Variants in TTC3 observed in about 807,000 individuals in gnomAD.
The protein encoded by TTC3 is E3 ubiquitin-protein ligase TTC3.
Under a neutral mutation model 249.6 loss-of-function variants are expected in TTC3, and 180 were observed. The ratio of observed to expected loss-of-function variants is 0.72; its 90% CI spans 0.64 to 0.82. The LOEUF is 0.82. Ranked by LOEUF, TTC3 falls within the 40% of genes least tolerant of loss-of-function variation. The pLI is 0.00. For synonymous variants in TTC3, 717 were observed against 805.0 expected (o/e 0.89, Z 1.85); for missense variants, 2,061 against 2,398.4 (o/e 0.86, Z 2.94).
chr21:37,166,443 C>T lies in TTC3; in HGVS notation c.4229C>T (p.Ser1410Phe), dbSNP rs1457529681. ...TCTGAAACACAGATCCTTGAGGGCT[C>T]TTTGGGAATATCTGTAAAGTCACAC... The change falls in exon 33 of 46, where the codon TCT (serine) becomes TTT (phenylalanine). Residue 1410 changes from serine to phenylalanine, a missense_variant. Physicochemically the swap from Ser to Phe is radical, Grantham distance 155. This residue lies in a region of TTC3 where 1,040 missense variants were observed against 1,186.1 expected (regional missense o/e 0.88). Coordinates refer to ENST00000355666, the Ensembl canonical transcript of TTC3. 2.5e-6 allele frequency: 4 copies of T among 1,614,086 alleles called. No homozygotes were observed. In the Admixed American group the frequency reaches 6.7e-5, roughly 27 times the overall value.
intron 12 of TTC3, 49 bp downstream of exon 12, chr21:37,122,028 C>T (rs2076625395): frequency 6.6e-7 from 1 of 1,520,104 alleles, no homozygotes; most frequent in African/African-American, 1.4e-5. Context: ...CCCTTTCAAA[C>T]TTTGGAGGGT....
At chr21:37,149,127 C>G (rs1279106762) in intron 23 of TTC3, among the ~76,000 whole-genome samples, 1 of 152,138 alleles carries the variant, frequency 6.6e-6, no homozygotes, top group Non-Finnish European at 1.5e-5. Flanking sequence ...TGCCATTTCT[C>G]TCCAGGGATT....
In TTC3 at chr21:37,148,672, A is replaced by G. The variant is rs771150298; in HGVS notation, c.2118+25A>G. The G allele has an allele frequency of 8.8e-6, 13 of 1,473,606 alleles. No individual in the cohort carries two copies. The African/African-American group carries it at 1.7e-4, about 20-fold the overall frequency. 91.3% of individuals were successfully genotyped at this position (1,473,606 alleles called of 1,614,324 possible). A position where few individuals can be genotyped will look rare whatever the true frequency, so the allele number is the denominator to read the frequency against. On this transcript the variant is annotated intron_variant, in intron 23 of 45. Transcript: ENST00000355666. Reference sequence around the variant, plus strand: ...GGTAAAGCATAACAGGATTGTCTGAATTTTTCAGTATACTTATTGTATGTC... The same window carrying G: ...GGTAAAGCATAACAGGATTGTCTGAGTTTTTCAGTATACTTATTGTATGTC...
chr21:37,184,122 T>C (rs1278134013), intron 36 of TTC3, among the ~76,000 whole-genome samples: 2 of 152,214 alleles, frequency 1.3e-5, no homozygotes, highest in Non-Finnish European at 2.9e-5. Flanking sequence ...TCAAAGTAGC[T>C]TCACTAGTAG....
rs756626684 is a variant in TTC3 at position 37,150,771 on chromosome 21, T to C, written c.2212-49T>C. ...TTGTTACTTGTGGTTTTGTGTTTTA[T>C]GTCATGGGAGTATGAGACAAATTTT... On this transcript the variant is annotated intron_variant, in intron 24 of 45. Coordinates refer to ENST00000355666, the Ensembl canonical transcript of TTC3. The C allele has an allele frequency of 3.2e-6, 4 of 1,253,282 alleles. No individual in the cohort carries two copies. In the Admixed American group the frequency reaches 6.8e-5, roughly 21 times the overall value. 77.6% of individuals were successfully genotyped at this position (1,253,282 alleles called of 1,614,324 possible).
intron 17 of TTC3, among the ~76,000 whole-genome samples, chr21:37,134,428 G>A (rs1195777264): frequency 1.3e-5 from 2 of 151,538 alleles, no homozygotes; most frequent in Non-Finnish European, 2.9e-5. Context: ...CAGCCTGGAC[G>A]ACAGAGCAAG....
At chr21:37,156,407 T>C (rs1368164047) in intron 27 of TTC3, among the ~76,000 whole-genome samples, 1 of 152,210 alleles carries the variant, frequency 6.6e-6, no homozygotes, top group East Asian at 1.9e-4. Context: ...GTAACTATGA[T>C]AGTAGAAGGC....
At position 37,150,836 on chromosome 21, in the gene TTC3, TAAAAG is replaced by T. The variant is rs546272125; in HGVS notation, c.2234_2238del (p.Glu745GlyfsTer13). The T allele has an allele frequency of 1.9e-6, 3 of 1,611,472 alleles. No homozygotes were observed. The highest frequency in any genetic ancestry group is 2.5e-6 in the Non-Finnish European group (3 of 1,178,700). ...TATTTAAAGTTTGAACACAAGGTCA[TAAAAG>T]AAAAGGTTCCTCCAAGACCTATTCT... On this transcript the variant is annotated frameshift_variant, in exon 25 of 46. Transcript: ENST00000355666. LOFTEE classifies it high-confidence loss of function.
At chr21:37,152,965 G>A in exon 27 of TTC3, 2 of 1,599,706 alleles carry the variant, frequency 1.3e-6, no homozygotes, top group Non-Finnish European at 1.7e-6. Context: ...TGTAGACAAT[G>A]TTCAGCGTTG....
intron 35 of TTC3, among the ~76,000 whole-genome samples, chr21:37,181,613 G>C (rs892107741): frequency 6.6e-6 from 1 of 152,170 alleles, no homozygotes; most frequent in Admixed American, 6.5e-5. Context: ...TTCAATTTTT[G>C]CCACCTAAGA....
exon 22 of TTC3, chr21:37,147,573 C>T (rs754798772): frequency 1.2e-6 from 2 of 1,611,216 alleles, no homozygotes; most frequent in Non-Finnish European, 1.7e-6. Context: ...ATTCTAAGAT[C>T]CAGATATACA....
At chr21:37,144,599 C>A in exon 21 of TTC3, 2 of 1,611,814 alleles carry the variant, frequency 1.2e-6, no homozygotes, top group South Asian at 2.2e-5. Context: ...TTAACTTGGC[C>A]CACGAGTAAT....
intron 5 of TTC3, 151 bp downstream of exon 5, chr21:37,089,037 C>A: frequency 1.6e-6 from 1 of 632,260 alleles, no homozygotes; most frequent in Non-Finnish European, 2.7e-6. Context: ...TCCATCAGTG[C>A]GTGCTCAGTA....
At chr21:37,126,017 T>C (rs2147890702) in intron 14 of TTC3, 63 bp from the exon 15 acceptor site, 5 of 1,461,438 alleles carry the variant, frequency 3.4e-6, no homozygotes, top group Non-Finnish European at 4.7e-6. Context: ...TTTATATAGC[T>C]ATTGAATTCT....
chr21:37,199,102 C>T (rs886095410), intron 44 of TTC3, among the ~76,000 whole-genome samples: 1 of 152,258 alleles, frequency 6.6e-6, no homozygotes, highest in South Asian at 2.1e-4. Context: ...CAGCATCTGC[C>T]CCATCTCCTC....
chr21:37,088,433 A>T, intron 4 of TTC3, 87 bp downstream of exon 4: 1 of 1,482,492 alleles, frequency 6.7e-7, no homozygotes, highest in East Asian at 2.3e-5. Flanking sequence ...TGGAAGGCTT[A>T]TGTCTTATTC....
chr21:37,116,837 T>G (rs143402072), intron 11 of TTC3, among the ~76,000 whole-genome samples: 10 of 152,128 alleles, frequency 6.6e-5, no homozygotes, highest in Admixed American at 6.5e-4. Context: ...AAATAAATTT[T>G]TTTTTAAGTG....
chr21:37,182,264 T>C (rs1312345531), intron 35 of TTC3, among the ~76,000 whole-genome samples: 2 of 152,186 alleles, frequency 1.3e-5, no homozygotes, highest in African/African-American at 4.8e-5. Flanking sequence ...AGGTGTCAAG[T>C]GGTGCTGTAC....
At chr21:37,143,745 A>G (rs1414895640) in intron 20 of TTC3, among the ~76,000 whole-genome samples, 2 of 145,598 alleles carry the variant, frequency 1.4e-5, no homozygotes, top group Non-Finnish European at 3.0e-5. Context: ...ATTACTCGGT[A>G]TATACCCAAA....
Sources: allele counts gnomAD v4.1 joint callset (sites outside exome capture counted in the v4.1 genomes callset), GRCh38; gene constraint gnomAD v4.1.1; regional missense constraint gnomAD v4.1.1; transcripts MANE v1.5; gene names NCBI Gene and HGNC (gene_info 2026-07-23, HGNC 2026-07-21).